SCHIP1: variants seen among roughly 807,000 people sequenced by gnomAD.
SCHIP1 encodes schwannomin-interacting protein 1.
Under a neutral mutation model 29.7 loss-of-function variants are expected in SCHIP1, and 8 were observed. The ratio of observed to expected loss-of-function variants is 0.27; its 90% CI spans 0.16 to 0.49. The LOEUF is 0.49. Among genes scored for constraint, SCHIP1 ranks in the 20% least tolerant of loss-of-function variants. The probability of loss-of-function intolerance (pLI) is 0.99; values close to 1 mark genes in which losing one functional copy is unlikely to be tolerated. For missense variants in SCHIP1, 193 were observed against 294.6 expected (o/e 0.66, Z 2.52); for synonymous variants, 76 against 94.9 (o/e 0.80, Z 1.16).
At chr3:159,474,711 C>G in the SCHIP1 span, among the ~76,000 whole-genome samples, 2 of 152,076 alleles carry the variant, frequency 1.3e-5, no homozygotes, top group Non-Finnish European at 2.9e-5. Context: ...CTTAAAGGCA[C>G]ATGAAGAACT....
At chr3:159,813,541 A>C in the SCHIP1 span, among the ~76,000 whole-genome samples, 1 of 151,972 alleles carries the variant, frequency 6.6e-6, no homozygotes, top group Admixed American at 6.6e-5. Context: ...AGTTTTAAAA[A>C]TTTGCCATGT....
At chr3:159,620,210 T>C in the SCHIP1 span, among the ~76,000 whole-genome samples, 1 of 152,324 alleles carries the variant, frequency 6.6e-6, no homozygotes, top group East Asian at 1.9e-4. Context: ...TAACACTTCA[T>C]GTGAAGGGCC....
At chr3:159,839,840 A>G, upstream of SCHIP1, 1 of 1,268,988 alleles carries the variant, frequency 7.9e-7, no homozygotes, top group African/African-American at 1.5e-5. Context: ...CCAGAAGGTC[A>G]CACCAGCTCC....
the SCHIP1 span, among the ~76,000 whole-genome samples, chr3:159,805,808 CT>C: frequency 8.1e-3 from 1,121 of 139,140 alleles, 6 homozygotes; most frequent in African/African-American, 0.023. Flanking sequence ...AATTGTACTC[CT>C]TTTTTTTTTT....
the SCHIP1 span, among the ~76,000 whole-genome samples, chr3:159,335,164 G>A: frequency 6.6e-6 from 1 of 151,838 alleles, no homozygotes. Flanking sequence ...CCTCCCAAAT[G>A]TTTTCATTTC....
At chr3:159,382,665 C>A in the SCHIP1 span, among the ~76,000 whole-genome samples, 14 of 150,938 alleles carry the variant, frequency 9.3e-5, no homozygotes. Flanking sequence ...AGTTCTAGAT[C>A]CCTGAGGAAT....
chr3:159,371,111 T>A, the SCHIP1 span, among the ~76,000 whole-genome samples: 2 of 152,228 alleles, frequency 1.3e-5, no homozygotes, highest in Non-Finnish European at 2.9e-5. Flanking sequence ...TTTATCTATT[T>A]TATTCACTAT....
chr3:159,832,299 A>C, the SCHIP1 span, among the ~76,000 whole-genome samples: 4 of 152,016 alleles, frequency 2.6e-5, no homozygotes, highest in Non-Finnish European at 5.9e-5. Context: ...CAGTCCCAAG[A>C]CTGAATGAAT....
At chr3:159,496,702 T>C in the SCHIP1 span, among the ~76,000 whole-genome samples, 35 of 152,124 alleles carry the variant, frequency 2.3e-4, no homozygotes, top group African/African-American at 6.8e-4. Flanking sequence ...TGTGGCGATT[T>C]CTCAGGGATC....
chr3:159,516,200 A>T, the SCHIP1 span, among the ~76,000 whole-genome samples: 3 of 152,146 alleles, frequency 2.0e-5, no homozygotes, highest in East Asian at 5.8e-4. Flanking sequence ...TAAGCTCCCA[A>T]ATCTTCACCT....
upstream of SCHIP1, among the ~76,000 whole-genome samples, chr3:159,836,993 G>A (rs1307209664): frequency 6.6e-6 from 1 of 151,920 alleles, no homozygotes; most frequent in African/African-American, 2.4e-5. Flanking sequence ...TCTTGGGAGA[G>A]TTTTTTTGAC....
At chr3:159,548,914 G>A in the SCHIP1 span, among the ~76,000 whole-genome samples, 1 of 152,046 alleles carries the variant, frequency 6.6e-6, no homozygotes, top group East Asian at 1.9e-4. Context: ...GTTGAAAATG[G>A]ATCGTATTCT....
chr3:159,696,154 C>T, the SCHIP1 span, among the ~76,000 whole-genome samples: 1 of 152,164 alleles, frequency 6.6e-6, no homozygotes, highest in South Asian at 2.1e-4. Flanking sequence ...AATGTTCAAA[C>T]TCCTTGGTTT....
chr3:159,679,937 C>A, the SCHIP1 span, among the ~76,000 whole-genome samples: 1 of 152,168 alleles, frequency 6.6e-6, no homozygotes, highest in African/African-American at 2.4e-5. Context: ...CTCCAGACAT[C>A]CAAGAGCACC....
chr3:159,367,326 A>G, the SCHIP1 span, among the ~76,000 whole-genome samples: 3 of 151,212 alleles, frequency 2.0e-5, no homozygotes, highest in Non-Finnish European at 4.4e-5. Flanking sequence ...GGGGAGGCAG[A>G]GGTTGCCGTG....
At chr3:159,525,302 C>T in the SCHIP1 span, among the ~76,000 whole-genome samples, 1 of 152,146 alleles carries the variant, frequency 6.6e-6, no homozygotes, top group Non-Finnish European at 1.5e-5. Context: ...TGTACAAGGA[C>T]AAAGATTTTG....
chr3:159,735,757 A>G, the SCHIP1 span, among the ~76,000 whole-genome samples: 1 of 152,174 alleles, frequency 6.6e-6, no homozygotes, highest in Non-Finnish European at 1.5e-5. Flanking sequence ...ATCCCAGCCT[A>G]TACATAAGCT....
chr3:159,840,328 G>T (rs989488080), intron 1 of SCHIP1: 1 of 903,852 alleles, frequency 1.1e-6, no homozygotes, highest in Admixed American at 2.0e-5. Flanking sequence ...CATCTTCCGC[G>T]CCTGGCCTTC....
the SCHIP1 span, among the ~76,000 whole-genome samples, chr3:159,824,022 C>A: frequency 1.3e-5 from 2 of 152,136 alleles, no homozygotes. Context: ...ATGGAAAACA[C>A]CTTAACCATA....
Sources: allele counts gnomAD v4.1 joint callset (sites outside exome capture counted in the v4.1 genomes callset), GRCh38; gene constraint gnomAD v4.1.1; transcripts MANE v1.5; gene names NCBI Gene and HGNC (gene_info 2026-07-23, HGNC 2026-07-21).